Variants in PDE6B observed in about 807,000 individuals in gnomAD.
The protein encoded by PDE6B is phosphodiesterase 6B.
In PDE6B, 106 loss-of-function variants were observed where a neutral mutation model predicts 109.0. The observed-to-expected ratio is 0.97, with a 90% CI of 0.83 to 1.14. PDE6B has a LOEUF of 1.14. Among genes scored for constraint, PDE6B ranks in the 50% most tolerant of loss-of-function variants. The pLI, the probability that PDE6B is intolerant of heterozygous loss-of-function variation, is 0.00. For missense variants in PDE6B, 1,193 were observed against 1,155.6 expected (o/e 1.03, Z -0.47); for synonymous variants, 490 against 471.3 (o/e 1.04, Z -0.51).
rs144590560 is a variant in PDE6B, at chr4:625,846, C to T, written c.220C>T (p.Arg74Cys). Reference protein sequence around the residue: ...QDMQESINMERVVFKVLRRLC... With the variant: ...QDMQESINMECVVFKVLRRLC... The stretch of plus-strand genomic sequence containing the variant: ...TATGCAGGAGAGCATCAACATGGAG[C>T]GCGTGGTCTTCAAGGTCCTGCGGCG... Residue 74 changes from arginine to cysteine, a missense_variant, in exon 1 of 22, where the codon CGC (arginine) becomes TGC (cysteine). By Grantham distance (180) the Arg-to-Cys change is radical. Transcript: ENST00000496514. The surrounding 1 kb of genome is among the most constrained non-coding windows in gnomAD (Gnocchi z 5.0). 8.6e-4 allele frequency: 1,384 copies of T among 1,612,386 alleles called. 3 individuals are homozygous for T. Among genetic ancestry groups the T allele is most frequent in the Non-Finnish European group, 1.1e-3 (1,313 of 1,179,656 alleles).
At chr4:627,962 C>G (rs1734197975) in intron 1 of PDE6B, among the ~76,000 whole-genome samples, 2 of 152,014 alleles carry the variant, frequency 1.3e-5, no homozygotes, top group African/African-American at 4.8e-5. Context: ...CAGGGCTGTT[C>G]TAGGTCCTGC....
rs905040350 is a variant in PDE6B at position 657,501 on chromosome 4, C to G, written c.1401+7C>G. 36 of 1,466,022 alleles carry G rather than the reference C, an allele frequency of 2.5e-5. No individual in the cohort carries two copies. The East Asian group carries it at 7.8e-4, about 32-fold the overall frequency. The allele number at this position is 1,466,022 out of a possible 1,614,324, so 90.8% of individuals were successfully genotyped here. A position where few individuals can be genotyped will look rare whatever the true frequency, so the allele number is the denominator to read the frequency against. ...CGAGATCCAGCTCATCCTGGTGCGG[C>G]GGGGCAGGACGTCCAGGGGTCACCC... On this transcript the variant is annotated splice_region_variant and intron_variant, in intron 10 of 21. Coordinates refer to ENST00000496514, the MANE Select transcript of PDE6B (RefSeq NM_000283.4).
At chr4:629,714 G>T (rs1734288689) in intron 1 of PDE6B, among the ~76,000 whole-genome samples, 1 of 152,240 alleles carries the variant, frequency 6.6e-6, no homozygotes, top group Non-Finnish European at 1.5e-5. Flanking sequence ...CGGGCTGGGT[G>T]GGAATCCGGA....
rs775708541 is a variant in PDE6B at position 655,932 on chromosome 4, G to A, written c.993-8G>A. On this transcript the variant is annotated splice_polypyrimidine_tract_variant and splice_region_variant and intron_variant, in intron 6 of 21. Coordinates refer to ENST00000496514, the MANE Select transcript of PDE6B (RefSeq NM_000283.4). ...GTGGCCTATCTGACCCCTGCTCTCT[G>A]CCCACAGCACACCCTCAGCCGATCA... The A allele has an allele frequency of 3.1e-6, 5 of 1,595,830 alleles. No individual in the cohort carries two copies. The African/African-American group carries it at 5.4e-5, about 17-fold the overall frequency.
intron 8 of PDE6B, among the ~76,000 whole-genome samples, chr4:656,497 A>G (rs1469815875): frequency 6.7e-6 from 1 of 148,772 alleles, no homozygotes; most frequent in Non-Finnish European, 1.5e-5. Flanking sequence ...ACACGCCCGC[A>G]AGGCCGTGAC....
chr4:636,001 GAGGGCC>G lies in PDE6B; in HGVS notation c.711+37_711+42del. The G allele has an allele frequency of 7.8e-7, 1 of 1,284,312 alleles. No individual in the cohort carries two copies. The highest frequency in any genetic ancestry group is 1.1e-6 in the Non-Finnish European group (1 of 879,690). The allele number at this position is 1,284,312 out of a possible 1,614,324, so 79.6% of individuals were successfully genotyped here. The stretch of plus-strand genomic sequence containing the variant: ...ACACGCTGAGCACAGCTCTGCCCAC[GAGGGCC>G]AGGGTCCCTCCGCCCATCTCGCTGC... On this transcript the variant is annotated intron_variant, in intron 3 of 21. Transcript: ENST00000496514. The surrounding 1 kb of genome is among the most constrained non-coding windows in gnomAD (Gnocchi z 4.5).
chr4:651,363 G>T (rs1041141132), intron 3 of PDE6B, among the ~76,000 whole-genome samples: 3 of 152,028 alleles, frequency 2.0e-5, no homozygotes, highest in Non-Finnish European at 4.4e-5. Flanking sequence ...TGGGTCCTCA[G>T]GGGGGGCCTC....
At chr4:646,745 C>T (rs1413832682) in intron 3 of PDE6B, among the ~76,000 whole-genome samples, 3 of 152,084 alleles carry the variant, frequency 2.0e-5, no homozygotes, top group African/African-American at 7.3e-5. Flanking sequence ...ATTTCCTGTA[C>T]TCCAGCGCGC....
intron 21 of PDE6B, 128 bp downstream of exon 21, chr4:668,134 C>G: frequency 1.1e-6 from 1 of 920,600 alleles, no homozygotes. Context: ...TCGAGGTGGA[C>G]AGGGCCACAG....
chr4:629,995 C>T (rs1734303773), intron 1 of PDE6B, among the ~76,000 whole-genome samples: 4 of 152,090 alleles, frequency 2.6e-5, no homozygotes. Flanking sequence ...GACCAGGAGC[C>T]TCTGGGGAAG....
chr4:667,258 G>T (rs938676161), intron 20 of PDE6B, among the ~76,000 whole-genome samples: 1 of 151,940 alleles, frequency 6.6e-6, no homozygotes, highest in Non-Finnish European at 1.5e-5. Context: ...GATGCCACGG[G>T]TTCCACATGA....
rs574846811 is a variant in PDE6B at position 651,071 on chromosome 4, A to C, written c.712-2781A>C. ...CAGGACGGGCTGAGGCGGCGATGTC[A>C]ACGGCAGTGGGGCTGTCACAGGCGG... On this transcript the variant is annotated intron_variant, in intron 3 of 21. Transcript: ENST00000496514. Among the ~76,000 whole-genome samples the C allele has an allele frequency of 3.6e-3, 546 of 151,316 alleles. 3 individuals carry two copies. Among genetic ancestry groups the C allele is most frequent in the South Asian group, 0.015 (70 of 4,762 alleles).
rs182071364 is a variant in PDE6B at position 658,962 on chromosome 4, C to T, written c.1412C>T (p.Ala471Val). 1.2e-4 allele frequency: 189 copies of T among 1,612,738 alleles called. No homozygotes were observed. Among genetic ancestry groups the T allele is most frequent in the Admixed American group, 1.1e-3 (65 of 60,020 alleles). Residue 471 changes from alanine (A) to valine (V), a missense_variant, in exon 11 of 22, where the codon GCG becomes GTG. By Grantham distance (64) the Ala-to-Val change is moderately conservative. Coordinates refer to ENST00000496514, the MANE Select transcript of PDE6B (RefSeq NM_000283.4). The part of the protein sequence containing the change: ...DEIQLILPTR[A>V]RLGKEPADCD... ...TGTGTCTCTGTGTAGCCAACCAGAGCGCGCCTGGGGAAGGAGCCTGCTGAC... is the reference window on the plus strand; with the variant it reads ...TGTGTCTCTGTGTAGCCAACCAGAGTGCGCCTGGGGAAGGAGCCTGCTGAC...
At chr4:656,831 CCAGCCTCAGGGCGGAGCT>C in intron 8 of PDE6B, 25 bp from the exon 9 acceptor site, 1 of 1,607,820 alleles carries the variant, frequency 6.2e-7, no homozygotes, top group Non-Finnish European at 8.5e-7. Flanking sequence ...CGGGCCAGGG[CCAGCCTCAGGGCGGAGCT>C]CAGCTCTGGA....
In PDE6B at chr4:654,749, G is replaced by A. The variant is rs1327344576; in HGVS notation, c.928-75G>A. ...TGCGTGTGGCTGTGTGTAGCTGCAT[G>A]TAGCTGTGTGTGTGTGTGTGAGCCC... On this transcript the variant is annotated intron_variant, in intron 5 of 21. Coordinates refer to ENST00000496514, the MANE Select transcript of PDE6B (RefSeq NM_000283.4). 8 of 838,520 alleles carry A rather than the reference G, an allele frequency of 9.5e-6. No individual in the cohort carries two copies. The East Asian group carries it at 1.2e-4, about 13-fold the overall frequency. The allele number at this position is 838,520 out of a possible 1,614,324, so 51.9% of individuals were successfully genotyped here. A position where few individuals can be genotyped will look rare whatever the true frequency, so the allele number is the denominator to read the frequency against.
chr4:662,694 A>C lies in PDE6B; in HGVS notation c.1832+76A>C. ...CCTTGGCGTGAATTAGGCTTCGCATAGCAGGCTATGTAGAAAGTGGAGTCC... is the reference window on the plus strand; with the variant it reads ...CCTTGGCGTGAATTAGGCTTCGCATCGCAGGCTATGTAGAAAGTGGAGTCC... On this transcript the variant is annotated intron_variant, in intron 14 of 21. Transcript: ENST00000496514. This position sits in a 1 kb window ranked among gnomAD's most constrained non-coding sequence, Gnocchi z 4.3. 1 of 952,740 alleles carries C rather than the reference A, an allele frequency of 1.0e-6. No homozygotes were observed. Among genetic ancestry groups the C allele is most frequent in the Non-Finnish European group, 1.7e-6 (1 of 583,750 alleles). The allele number at this position is 952,740 out of a possible 1,614,324, so 59.0% of individuals were successfully genotyped here.
At chr4:645,008 T>C (rs769592735) in intron 3 of PDE6B, among the ~76,000 whole-genome samples, 6 of 152,090 alleles carry the variant, frequency 3.9e-5, no homozygotes, top group Non-Finnish European at 8.8e-5. Flanking sequence ...ACATGAATGA[T>C]TTTTATGTCT....
In PDE6B at chr4:658,972, G is replaced by A; in HGVS notation, c.1422G>A (p.Gly474=). The change falls in exon 11 of 22, where the codon GGG becomes GGA. Residue 474 remains glycine (G), a synonymous_variant. Coordinates refer to ENST00000496514, the MANE Select transcript of PDE6B (RefSeq NM_000283.4). The part of the protein sequence containing the change: ...QLILPTRARL[G]KEPADCDEDE... Reference sequence around the variant, plus strand: ...TGTAGCCAACCAGAGCGCGCCTGGGGAAGGAGCCTGCTGACTGCGATGAGG... The same window carrying A: ...TGTAGCCAACCAGAGCGCGCCTGGGAAAGGAGCCTGCTGACTGCGATGAGG... 6.2e-7 allele frequency: 1 copy of A among 1,613,562 alleles called. No individual in the cohort carries two copies. The highest frequency in any genetic ancestry group is 8.5e-7 in the Non-Finnish European group (1 of 1,179,758).
chr4:629,816 TG>T (rs1159652937), intron 1 of PDE6B, among the ~76,000 whole-genome samples: 1 of 152,128 alleles, frequency 6.6e-6, no homozygotes, highest in African/African-American at 2.4e-5. Flanking sequence ...GGAGGTGCTT[TG>T]GAGAAGCCAC....
Sources: gnomAD v4.1 joint callset for allele counts (sites outside exome capture counted in the v4.1 genomes callset) on GRCh38, gnomAD v4.1.1 for gene constraint, Gnocchi (gnomAD v3.1) non-coding constraint, MANE v1.5 for transcripts, NCBI Gene and HGNC (gene_info 2026-07-23, HGNC 2026-07-21) for gene names.